Variants in CSMD1 observed in about 807,000 individuals in gnomAD.
The protein encoded by CSMD1 is CUB and sushi domain-containing protein 1.
CSMD1 carries 213 observed loss-of-function variants against 417.5 expected under a neutral mutation model. The observed-to-expected ratio is 0.51, with a 90% CI of 0.46 to 0.57. CSMD1 has a LOEUF of 0.57. Among genes scored for constraint, CSMD1 ranks in the 20% least tolerant of loss-of-function variants. CSMD1 has a pLI of 0.00. For missense variants in CSMD1, 6,923 were observed against 4,529.7 expected (o/e 1.53, Z -15.17); for synonymous variants, 2,862 against 1,736.8 (o/e 1.65, Z -16.11).
intron 10 of CSMD1, among the ~76,000 whole-genome samples, chr8:3,513,844 G>A (rs1330413435): frequency 2.0e-5 from 3 of 152,122 alleles, no homozygotes; most frequent in African/African-American, 7.2e-5. Flanking sequence ...TTGCAGATTT[G>A]GAGAGAAGAT....
chr8:4,692,896 T>C (rs76013276), intron 1 of CSMD1, among the ~76,000 whole-genome samples: 15 of 152,302 alleles, frequency 9.8e-5, no homozygotes, highest in East Asian at 5.8e-4. Context: ...TCTGACTTAA[T>C]TGCTTAAACA....
At chr8:4,014,386 T>C (rs762722488) in intron 4 of CSMD1, among the ~76,000 whole-genome samples, 4 of 152,130 alleles carry the variant, frequency 2.6e-5, no homozygotes, top group East Asian at 3.9e-4. Flanking sequence ...TCAATGCACA[T>C]AGAAGTGTGT....
chr8:3,484,357 T>A (rs1369768581), intron 11 of CSMD1, among the ~76,000 whole-genome samples: 2 of 152,194 alleles, frequency 1.3e-5, no homozygotes, highest in African/African-American at 4.8e-5. Context: ...CAACAAATGC[T>A]ACTGAACAGT....
At chr8:3,950,166 G>T (rs926318703) in intron 5 of CSMD1, among the ~76,000 whole-genome samples, 1 of 152,132 alleles carries the variant, frequency 6.6e-6, no homozygotes, top group African/African-American at 2.4e-5. Context: ...ACAGAAGAAA[G>T]GTAAACCACA....
chr8:4,240,357 G>A (rs1802320397), intron 3 of CSMD1, among the ~76,000 whole-genome samples: 2 of 152,168 alleles, frequency 1.3e-5, no homozygotes, highest in South Asian at 2.1e-4. Flanking sequence ...GGAAACTCCT[G>A]CATTCTGGCT....
chr8:3,298,743 C>G (rs553016695), intron 25 of CSMD1, among the ~76,000 whole-genome samples: 1 of 152,322 alleles, frequency 6.6e-6, no homozygotes, highest in East Asian at 1.9e-4. Context: ...CGTAAGCCAT[C>G]GTGCCCGACA....
At chr8:4,369,224 C>T (rs1248128821) in intron 3 of CSMD1, among the ~76,000 whole-genome samples, 1 of 152,224 alleles carries the variant, frequency 6.6e-6, no homozygotes, top group Middle Eastern at 3.4e-3. Context: ...CATTTGGTGT[C>T]AAGTTCAACT....
At chr8:3,281,985 C>A (rs1400313935) in intron 26 of CSMD1, among the ~76,000 whole-genome samples, 1 of 152,108 alleles carries the variant, frequency 6.6e-6, no homozygotes, top group Non-Finnish European at 1.5e-5. Flanking sequence ...CTTCCCCGGT[C>A]GTGGAAGATG....
At position 3,754,060 on chromosome 8, in the gene CSMD1, G is replaced by GA. The variant is rs140950734; in HGVS notation, c.819-19dup. 4.3e-5 allele frequency: 66 copies of GA among 1,552,242 alleles called. 1 individual carries two copies. The South Asian group carries it at 5.5e-4, about 13-fold the overall frequency. On this transcript the variant is annotated intron_variant, in intron 5 of 69. Transcript: ENST00000635120. The stretch of plus-strand genomic sequence containing the variant: ...CAGTTAGCCTAGAGAAGAGAAAGAG[G>GA]AAAAAAATCTCCCTTGTAAACCAAC...
At chr8:3,036,691 T>A (rs887313670) in intron 50 of CSMD1, among the ~76,000 whole-genome samples, 3 of 152,066 alleles carry the variant, frequency 2.0e-5, no homozygotes, top group African/African-American at 4.8e-5. Context: ...AAATATAAAG[T>A]TTTTGGGGAA....
At chr8:3,764,302 G>A (rs1238533809) in intron 5 of CSMD1, among the ~76,000 whole-genome samples, 1 of 152,156 alleles carries the variant, frequency 6.6e-6, no homozygotes, top group Non-Finnish European at 1.5e-5. Flanking sequence ...CTCTCCTTGT[G>A]CTGTAGGGAA....
intron 1 of CSMD1, among the ~76,000 whole-genome samples, chr8:4,654,670 T>C (rs756216391): frequency 3.9e-5 from 6 of 152,118 alleles, no homozygotes; most frequent in Non-Finnish European, 8.8e-5. Context: ...TTTGGATTTG[T>C]TGGGTGCTTT....
At chr8:3,809,338 T>C (rs1218523715) in intron 5 of CSMD1, among the ~76,000 whole-genome samples, 3 of 152,160 alleles carry the variant, frequency 2.0e-5, no homozygotes, top group African/African-American at 7.2e-5. Flanking sequence ...TATCGATAAA[T>C]ATTTGTTTAC....
intron 5 of CSMD1, among the ~76,000 whole-genome samples, chr8:3,805,286 G>T (rs1051567138): frequency 6.6e-6 from 1 of 152,144 alleles, no homozygotes; most frequent in Non-Finnish European, 1.5e-5. Context: ...CGCAGAGGAA[G>T]GAGCCACAGA....
chr8:3,564,519 G>GTGTA (rs1799612895), intron 10 of CSMD1, among the ~76,000 whole-genome samples: 1 of 144,946 alleles, frequency 6.9e-6, no homozygotes, highest in Non-Finnish European at 1.5e-5. Flanking sequence ...CAGTATATTT[G>GTGTA]TGTGTGTGTG....
rs1554464157 is a variant in CSMD1 at position 4,738,895 on chromosome 8, C to CTGCGTGTTTGTGTG, written c.86-101338_86-101337insCACACAAACACGCA. Among the ~76,000 whole-genome samples the CTGCGTGTTTGTGTG allele has an allele frequency of 6.6e-4, 23 of 35,100 alleles. No homozygotes were observed. In the South Asian group the frequency reaches 0.015, roughly 23 times the overall value. The allele number at this position is 35,100 out of a possible 152,430, so 23.0% of individuals were successfully genotyped here. On this transcript the variant is annotated intron_variant, in intron 1 of 69. Coordinates refer to ENST00000635120, the MANE Select transcript of CSMD1 (RefSeq NM_033225.6). ...ATAGTCATCTATTATACTTAAAATT[C>CTGCGTGTTTGTGTG]TGTGTGTTTGTGTGTGTGTGTGTGT...
intron 3 of CSMD1, among the ~76,000 whole-genome samples, chr8:4,244,389 G>A (rs904901832): frequency 4.6e-5 from 7 of 152,136 alleles, no homozygotes; most frequent in African/African-American, 7.2e-5. Context: ...ATGTTTTTAT[G>A]TTAATAGATC....
At chr8:4,450,916 G>A (rs1348016005) in intron 2 of CSMD1, among the ~76,000 whole-genome samples, 1 of 152,024 alleles carries the variant, frequency 6.6e-6, no homozygotes, top group African/African-American at 2.4e-5. Flanking sequence ...ATTAAATCAT[G>A]GAGAGGAAAG....
At chr8:3,000,475 C>T (rs962143054) in intron 52 of CSMD1, among the ~76,000 whole-genome samples, 2 of 151,988 alleles carry the variant, frequency 1.3e-5, no homozygotes, top group South Asian at 4.1e-4. Context: ...AGAAGGAATT[C>T]TTGGAATTAA....
Sources: allele counts gnomAD v4.1 joint callset (sites outside exome capture counted in the v4.1 genomes callset), GRCh38; gene constraint gnomAD v4.1.1; transcripts MANE v1.5; gene names NCBI Gene and HGNC (gene_info 2026-07-23, HGNC 2026-07-21).